CIAO3: variants seen among roughly 807,000 people sequenced by gnomAD.
The protein encoded by CIAO3 is LET1 like/JFP15.
In CIAO3, 45 loss-of-function variants were observed where a neutral mutation model predicts 51.5. The observed-to-expected ratio is 0.87, with a 90% CI of 0.69 to 1.12. The LOEUF (loss-of-function observed/expected upper bound fraction) is 1.12. Among genes scored for constraint, CIAO3 ranks in the 50% most tolerant of loss-of-function variants. CIAO3 has a pLI of 0.00. For synonymous variants in CIAO3, 314 were observed against 269.3 expected, an observed-to-expected ratio of 1.17 and a Z score of -1.63; for missense variants, 668 against 632.5, an observed-to-expected ratio of 1.06 and a Z score of -0.60.
intron 1 of CIAO3, chr16:739,954 T>C: frequency 6.9e-7 from 1 of 1,439,114 alleles, no homozygotes; most frequent in Non-Finnish European, 9.4e-7. Flanking sequence ...AAGTTCCCAG[T>C]GTGCAGGAAG....
Position 737,632 on chromosome 16 carries a change from A to C in CIAO3, c.163-303T>G, listed in dbSNP as rs1017772441. On this transcript the variant is annotated intron_variant, in intron 2 of 10. Coordinates refer to ENST00000251588, the MANE Select transcript of CIAO3 (RefSeq NM_022493.3). The surrounding 1 kb of genome is among the most constrained non-coding windows in gnomAD (Gnocchi z 5.3). ...ACCCCACTCACCCATGGGGCCCTGGACGGGGTGCTGGCCCCGGTGCACACT... is the reference window on the plus strand; with the variant it reads ...ACCCCACTCACCCATGGGGCCCTGGCCGGGGTGCTGGCCCCGGTGCACACT... 1 of 1,369,430 alleles carries C rather than the reference A, an allele frequency of 7.3e-7. No homozygotes were observed. Among genetic ancestry groups the C allele is most frequent in the African/African-American group, 1.5e-5 (1 of 68,832 alleles). The allele number at this position is 1,369,430 out of a possible 1,614,324, so 84.8% of individuals were successfully genotyped here. A position where few individuals can be genotyped will look rare whatever the true frequency, so the allele number is the denominator to read the frequency against.
At chr16:731,231 C>T in intron 9 of CIAO3, 1 of 643,188 alleles carries the variant, frequency 1.6e-6, no homozygotes, top group South Asian at 2.0e-5. Context: ...AAACAGGCCT[C>T]CCTCCCCAGG....
At chr16:734,404 A>G (rs575660378) in intron 5 of CIAO3, 57 bp from the exon 6 acceptor site, 2 of 1,288,490 alleles carry the variant, frequency 1.6e-6, no homozygotes, top group African/African-American at 3.0e-5. Flanking sequence ...CCCCGCACCC[A>G]CAGGCAGCAG....
At chr16:738,663 T>C (rs2041363245) in intron 2 of CIAO3, among the ~76,000 whole-genome samples, 1 of 149,192 alleles carries the variant, frequency 6.7e-6, no homozygotes, top group Non-Finnish European at 1.5e-5. Context: ...AGTTTCTTTA[T>C]TTTTTTGAGA....
chr16:739,358 T>A lies in CIAO3; in HGVS notation c.162+285A>T, dbSNP rs1046162194. ...GGGGTCTGAATTAGAAAATCTTACA[T>A]GGTTAGAACTAGGGGGAACAGGCAG... On this transcript the variant is annotated intron_variant, in intron 2 of 10. Transcript: ENST00000251588. 33 of 456,884 alleles carry A rather than the reference T, an allele frequency of 7.2e-5. 1 individual carries two copies. Among genetic ancestry groups the A allele is most frequent in the Non-Finnish European group, 1.1e-4 (28 of 250,984 alleles). 28.3% of individuals were successfully genotyped at this position (456,884 alleles called of 1,614,324 possible). A position where few individuals can be genotyped will look rare whatever the true frequency, so the allele number is the denominator to read the frequency against.
intron 5 of CIAO3, 149 bp downstream of exon 5, chr16:734,588 G>T (rs757017344): frequency 5.0e-6 from 7 of 1,402,694 alleles, no homozygotes; most frequent in African/African-American, 1.4e-5. Context: ...TCCAGAAAAG[G>T]CCATTTGTGC....
In CIAO3 at chr16:737,330, C is replaced by G; in HGVS notation, c.163-1G>C. On this transcript the variant is annotated splice_acceptor_variant, in intron 2 of 10. Coordinates refer to ENST00000251588, the MANE Select transcript of CIAO3 (RefSeq NM_022493.3). LOFTEE classifies it high-confidence loss of function. This position sits in a 1 kb window ranked among gnomAD's most constrained non-coding sequence, Gnocchi z 5.3. ...TCTCCAGCCTCCGGGTCCCGCCGTC[C>G]TACAAGGGAGAAGAACCCGGTGCAC... 6.2e-7 allele frequency: 1 copy of G among 1,612,950 alleles called. No homozygotes were observed. The highest frequency in any genetic ancestry group is 8.5e-7 in the Non-Finnish European group (1 of 1,179,978).
chr16:737,537 T>C lies in CIAO3; in HGVS notation c.163-208A>G, dbSNP rs1490535616. ...TAATGCCGTCAAGTCTGCTTCTTGG[T>C]ACCACTTGGTTAGTGCATCCGAATC... On this transcript the variant is annotated intron_variant, in intron 2 of 10. Coordinates refer to ENST00000251588, the MANE Select transcript of CIAO3 (RefSeq NM_022493.3). This position sits in a 1 kb window ranked among gnomAD's most constrained non-coding sequence, Gnocchi z 5.3. 6.6e-7 allele frequency: 1 copy of C among 1,511,870 alleles called. No individual in the cohort carries two copies. The highest frequency in any genetic ancestry group is 8.8e-7 in the Non-Finnish European group (1 of 1,132,070). 93.7% of individuals were successfully genotyped at this position (1,511,870 alleles called of 1,614,324 possible).
Position 736,489 on chromosome 16 carries a change from G to A in CIAO3, c.307-91C>T. ...CGCACGGTGAGATGCTGTCAGCTGT[G>A]GAGAGGGCAGGCCAGCTCCATCAAG... is the stretch of plus-strand genomic sequence containing the variant. On this transcript the variant is annotated intron_variant, in intron 3 of 10. Transcript: ENST00000251588. 7.3e-6 allele frequency: 11 copies of A among 1,516,150 alleles called. No individual in the cohort carries two copies. The South Asian group carries it at 1.3e-4, about 18-fold the overall frequency. The allele number at this position is 1,516,150 out of a possible 1,614,324, so 93.9% of individuals were successfully genotyped here.
intron 8 of CIAO3, 194 bp from the exon 9 acceptor site, chr16:731,896 T>G (rs1184875502): frequency 1.4e-5 from 10 of 721,966 alleles, no homozygotes; most frequent in Non-Finnish European, 2.2e-5. Context: ...TGAGACGGAG[T>G]CTTGCTCTGT....
In CIAO3 at chr16:730,237, G is replaced by A. The variant is rs2041258069; in HGVS notation, c.*180C>T. On this transcript the variant is annotated 3_prime_UTR_variant, in exon 11 of 11. Transcript: ENST00000251588. ...CCTGGGCAGAGCCAGTGGGAACCCA[G>A]AGGCACCCAACTGGAGGTGACGAGG... The A allele has an allele frequency of 4.7e-6, 3 of 644,010 alleles. No individual in the cohort carries two copies. In the East Asian group the frequency reaches 8.2e-5, roughly 18 times the overall value. The allele number at this position is 644,010 out of a possible 1,614,324, so 39.9% of individuals were successfully genotyped here.
chr16:736,944 G>A (rs1399665984), intron 3 of CIAO3: 7 of 527,806 alleles, frequency 1.3e-5, no homozygotes, highest in African/African-American at 7.6e-5. Flanking sequence ...TATGACAGGC[G>A]TGAGCCCCCG....
Position 737,309 on chromosome 16 carries a change from C to T in CIAO3, c.183G>A (p.Leu61=), listed in dbSNP as rs370705425. 4.0e-5 allele frequency: 65 copies of T among 1,613,230 alleles called. No homozygotes were observed. In the South Asian group the frequency reaches 4.9e-4, roughly 12 times the overall value. Reference sequence around the variant, plus strand: ...CGTTTAGCGAGACCTTGGCCTTCTCCAGCCTCCGGGTCCCGCCGTCCTACA... The same window carrying T: ...CGTTTAGCGAGACCTTGGCCTTCTCTAGCCTCCGGGTCCCGCCGTCCTACA... The part of the protein sequence containing the change: ...QINQDGGTRR[L]EKAKVSLNDC... Residue 61 remains leucine, a synonymous_variant, in exon 3 of 11, where the codon CTG becomes CTA. Coordinates refer to ENST00000251588, the MANE Select transcript of CIAO3 (RefSeq NM_022493.3). The surrounding 1 kb of genome is among the most constrained non-coding windows in gnomAD (Gnocchi z 5.3).
At chr16:739,129 C>G (rs945720897) in intron 2 of CIAO3, among the ~76,000 whole-genome samples, 1 of 151,494 alleles carries the variant, frequency 6.6e-6, no homozygotes, top group Non-Finnish European at 1.5e-5. Flanking sequence ...AACCCCGTCT[C>G]TACTAAAAAT....
At chr16:738,516 T>G (rs2041361422) in intron 2 of CIAO3, 1 of 171,480 alleles carries the variant, frequency 5.8e-6, no homozygotes, top group South Asian at 1.9e-4. Context: ...CCCAGCTAAT[T>G]TTTTTTTTTG....
Position 730,259 on chromosome 16 carries a change from G to C in CIAO3, c.*158C>G, listed in dbSNP as rs945095738. 2.7e-5 allele frequency: 19 copies of C among 715,314 alleles called. No individual in the cohort carries two copies. In the South Asian group the frequency reaches 2.9e-4, roughly 11 times the overall value. The allele number at this position is 715,314 out of a possible 1,614,324, so 44.3% of individuals were successfully genotyped here. ...CCAGAGGCACCCAACTGGAGGTGAC[G>C]AGGCGGCTGCGGGTCCTGGCTAGTC... On this transcript the variant is annotated 3_prime_UTR_variant, in exon 11 of 11. Transcript: ENST00000251588.
intron 10 of CIAO3, 68 bp from the exon 11 acceptor site, chr16:730,723 G>T: frequency 6.3e-6 from 10 of 1,583,416 alleles, no homozygotes; most frequent in Non-Finnish European, 8.6e-6. Context: ...CCACCAGGGA[G>T]CAGGGAGGTG....
chr16:731,836 C>T, intron 8 of CIAO3, 134 bp from the exon 9 acceptor site: 2 of 1,196,122 alleles, frequency 1.7e-6, no homozygotes, highest in Non-Finnish European at 2.2e-6. Context: ...AGGAACAGCT[C>T]CTGTGTCACC....
rs1442910687 is a variant in CIAO3 at position 737,733 on chromosome 16, G to GAGAGGAC, written c.163-405_163-404insGTCCTCT. 1 of 1,286,584 alleles carries GAGAGGAC rather than the reference G, an allele frequency of 7.8e-7. No individual in the cohort carries two copies. Among genetic ancestry groups the GAGAGGAC allele is most frequent in the Non-Finnish European group, 1.0e-6 (1 of 987,800 alleles). The allele number at this position is 1,286,584 out of a possible 1,614,324, so 79.7% of individuals were successfully genotyped here. A position where few individuals can be genotyped will look rare whatever the true frequency, so the allele number is the denominator to read the frequency against. ...GGCGGGAAAGCTGAGGACAAAGGAG[G>GAGAGGAC]AAAGGACGAAGGCACAGGAAGAGGA... On this transcript the variant is annotated intron_variant, in intron 2 of 10. Transcript: ENST00000251588. The surrounding 1 kb of genome is among the most constrained non-coding windows in gnomAD (Gnocchi z 5.3).
Sources: gnomAD v4.1 joint callset for allele counts (sites outside exome capture counted in the v4.1 genomes callset) on GRCh38, gnomAD v4.1.1 for gene constraint, Gnocchi (gnomAD v3.1) non-coding constraint, MANE v1.5 for transcripts, NCBI Gene and HGNC (gene_info 2026-07-23, HGNC 2026-07-21) for gene names.